Variants in ROBO2 observed in about 807,000 individuals in gnomAD.
ROBO2 encodes roundabout homolog 2.
In ROBO2, 53 loss-of-function variants were observed where a neutral mutation model predicts 160.8. The observed-to-expected ratio is 0.33, with a 90% CI of 0.26 to 0.41. The LOEUF (loss-of-function observed/expected upper bound fraction) is 0.41, where lower values mean the gene tolerates loss of function less well. Among genes scored for constraint, ROBO2 ranks in the 10% least tolerant of loss-of-function variants. The probability of loss-of-function intolerance (pLI) is 1.00; values close to 1 mark genes in which losing one functional copy is unlikely to be tolerated. For synonymous variants in ROBO2, 664 were observed against 611.7 expected, an observed-to-expected ratio of 1.09 and a Z score of -1.26; for missense variants, 1,577 against 1,722.4, an observed-to-expected ratio of 0.92 and a Z score of 1.49.
chr3:76,030,137 T>A (rs182329170), intron 2 of ROBO2, among the ~76,000 whole-genome samples: 1 of 152,234 alleles, frequency 6.6e-6, no homozygotes, highest in Non-Finnish European at 1.5e-5. Context: ...CATTTTTTCA[T>A]GTGTCTGTTG....
At chr3:76,869,337 T>C (rs924749242) in intron 2 of ROBO2, among the ~76,000 whole-genome samples, 17 of 144,710 alleles carry the variant, frequency 1.2e-4, no homozygotes, top group African/African-American at 4.4e-4. Context: ...CTAGTAGAAA[T>C]TGATGTTTTT....
intron 2 of ROBO2, among the ~76,000 whole-genome samples, chr3:76,542,729 T>C (rs2082886063): frequency 6.6e-6 from 1 of 152,138 alleles, no homozygotes; most frequent in African/African-American, 2.4e-5. Context: ...AATCCACACT[T>C]AACTGCACCC....
At chr3:77,443,408 G>A (rs1409503864) in intron 2 of ROBO2, among the ~76,000 whole-genome samples, 3 of 151,616 alleles carry the variant, frequency 2.0e-5, no homozygotes, top group Non-Finnish European at 2.9e-5. Context: ...TTTACATATA[G>A]TGCTCAATAA....
intron 2 of ROBO2, among the ~76,000 whole-genome samples, chr3:77,465,769 C>T (rs1229383640): frequency 1.3e-5 from 2 of 152,114 alleles, no homozygotes; most frequent in Non-Finnish European, 2.9e-5. Flanking sequence ...TACTCAGTAT[C>T]TGTTGTTTGA....
intron 8 of ROBO2, among the ~76,000 whole-genome samples, chr3:77,553,639 G>A (rs2153655456): frequency 6.6e-6 from 1 of 152,050 alleles, no homozygotes; most frequent in East Asian, 2.0e-4. Flanking sequence ...AAGTCAAACA[G>A]CCTATTGCTG....
intron 2 of ROBO2, among the ~76,000 whole-genome samples, chr3:76,231,843 G>A (rs1704639001): frequency 6.6e-6 from 1 of 152,076 alleles, no homozygotes; most frequent in African/African-American, 2.4e-5. Flanking sequence ...GCAACACGTA[G>A]AAAAACAGAT....
chr3:76,956,455 G>A (rs2079266555), intron 2 of ROBO2, among the ~76,000 whole-genome samples: 1 of 151,744 alleles, frequency 6.6e-6, no homozygotes, highest in African/African-American at 2.4e-5. Flanking sequence ...TACTCGGGAG[G>A]CTGAGGCAGG....
intron 2 of ROBO2, among the ~76,000 whole-genome samples, chr3:77,337,645 G>A (rs141317728): frequency 5.9e-5 from 9 of 152,046 alleles, no homozygotes; most frequent in African/African-American, 2.2e-4. Flanking sequence ...TGCATATCTT[G>A]CTCAAAAATA....
chr3:77,547,029 A>G (rs970238482), intron 7 of ROBO2, among the ~76,000 whole-genome samples: 9 of 152,022 alleles, frequency 5.9e-5, no homozygotes, highest in African/African-American at 2.2e-4. Context: ...GAAATAATAC[A>G]TAGTACACTA....
chr3:77,230,830 T>C (rs1363788777), intron 2 of ROBO2, among the ~76,000 whole-genome samples: 1 of 152,206 alleles, frequency 6.6e-6, no homozygotes, highest in African/African-American at 2.4e-5. Flanking sequence ...AAATTAGACT[T>C]TTTTAATGCA....
At position 77,212,699 on chromosome 3, in the gene ROBO2, T is replaced by C. The variant is rs775346019; in HGVS notation, c.388+114359T>C. ...CAGTTTTTGCCCATTCAGTATGATA[T>C]TGGCTGTGGGTTTGTCATAAATAGC... On this transcript the variant is annotated intron_variant, in intron 2 of 25. Coordinates refer to ENST00000461745, the Ensembl canonical transcript of ROBO2. Among the ~76,000 whole-genome samples, 21 of 152,312 alleles carry C rather than the reference T, an allele frequency of 1.4e-4. No homozygotes were observed. In the East Asian group the frequency reaches 1.9e-3, roughly 14 times the overall value.
intron 2 of ROBO2, among the ~76,000 whole-genome samples, chr3:77,298,025 T>C (rs1206045712): frequency 1.3e-5 from 2 of 152,106 alleles, no homozygotes; most frequent in Non-Finnish European, 2.9e-5. Flanking sequence ...GGGTAGGGCA[T>C]TGTGCTTGTG....
At chr3:76,051,388 T>A (rs1289488399) in intron 2 of ROBO2, among the ~76,000 whole-genome samples, 4 of 152,214 alleles carry the variant, frequency 2.6e-5, no homozygotes, top group African/African-American at 9.6e-5. Flanking sequence ...AACATCCTAC[T>A]TTTTGTAGAC....
At chr3:77,413,319 G>A (rs1391615171) in intron 2 of ROBO2, among the ~76,000 whole-genome samples, 1 of 152,102 alleles carries the variant, frequency 6.6e-6, no homozygotes, top group African/African-American at 2.4e-5. Flanking sequence ...AAGTGCAAAG[G>A]CTTAAATTTA....
At chr3:77,339,296 C>A (rs2066816387) in intron 2 of ROBO2, among the ~76,000 whole-genome samples, 1 of 151,878 alleles carries the variant, frequency 6.6e-6, no homozygotes, top group African/African-American at 2.4e-5. Context: ...ATTAAATGAG[C>A]AAAGATAATT....
At chr3:76,634,524 C>T (rs1002257315) in intron 2 of ROBO2, among the ~76,000 whole-genome samples, 6 of 151,382 alleles carry the variant, frequency 4.0e-5, no homozygotes, top group East Asian at 2.0e-4. Flanking sequence ...GCCGAGATCG[C>T]GCCACTGCAC....
intron 4 of ROBO2, among the ~76,000 whole-genome samples, chr3:77,491,638 G>T (rs1560984988): frequency 6.6e-6 from 1 of 152,116 alleles, no homozygotes; most frequent in Non-Finnish European, 1.5e-5. Flanking sequence ...TGTCTACAGG[G>T]CACAATTTGC....
chr3:76,335,880 G>T (rs2073858116), intron 2 of ROBO2, among the ~76,000 whole-genome samples: 1 of 152,050 alleles, frequency 6.6e-6, no homozygotes, highest in African/African-American at 2.4e-5. Flanking sequence ...CCGGCCTAAA[G>T]CCATAACTTT....
At chr3:76,315,078 AAC>A (rs201510813) in intron 2 of ROBO2, among the ~76,000 whole-genome samples, 6,052 of 152,258 alleles carry the variant, frequency 0.04, 339 homozygotes, top group African/African-American at 0.12. Flanking sequence ...CCCTTGGTTC[AAC>A]ACAAACATTG....
Sources: gnomAD v4.1 joint callset for allele counts (sites outside exome capture counted in the v4.1 genomes callset) on GRCh38, gnomAD v4.1.1 for gene constraint, MANE v1.5 for transcripts, NCBI Gene and HGNC (gene_info 2026-07-23, HGNC 2026-07-21) for gene names.